The following KIF6 variants were observed in gnomAD, a reference collection of about 807,000 sequenced individuals.
KIF6 encodes the protein kinesin family member 6, also known as kinesin-like protein KIF6.
KIF6 carries 106 observed loss-of-function variants against 112.7 expected under a neutral mutation model. That is an observed-to-expected ratio of 0.94 (90% CI 0.80 to 1.11). The LOEUF (loss-of-function observed/expected upper bound fraction) is 1.11. Among genes scored for constraint, KIF6 ranks in the 50% least tolerant of loss-of-function variants. KIF6 has a pLI of 0.00. For synonymous variants in KIF6, 339 were observed against 339.9 expected, an observed-to-expected ratio of 1.00 and a Z score of 0.03; for missense variants, 929 against 964.0, an observed-to-expected ratio of 0.96 and a Z score of 0.48.
intron 3 of KIF6, among the ~76,000 whole-genome samples, chr6:39,694,514 T>C (rs1388614761): frequency 6.6e-6 from 1 of 152,132 alleles, no homozygotes; most frequent in East Asian, 1.9e-4. Flanking sequence ...ATCATTTCTG[T>C]ACACCAATAA....
chr6:39,383,045 T>G lies in KIF6; in HGVS notation c.1861+2577A>C, dbSNP rs372261567. Among the ~76,000 whole-genome samples, 3 of 151,912 alleles carry G rather than the reference T, an allele frequency of 2.0e-5. No individual in the cohort carries two copies. In the South Asian group the frequency reaches 6.2e-4, roughly 32 times the overall value. ...TTTCTTATTGATTCATTTAAGTTCC[T>G]TATCGATTCTGGATATTAATCCTTC... On this transcript the variant is annotated intron_variant, in intron 16 of 22. Coordinates refer to ENST00000287152, the MANE Select transcript of KIF6 (RefSeq NM_145027.6).
At chr6:39,339,253 G>A (rs976218849) in intron 22 of KIF6, among the ~76,000 whole-genome samples, 3 of 152,122 alleles carry the variant, frequency 2.0e-5, no homozygotes, top group African/African-American at 7.2e-5. Context: ...CTTGGTGCTT[G>A]GGAGTTGATA....
At chr6:39,355,198 T>A (rs1411355426) in intron 19 of KIF6, among the ~76,000 whole-genome samples, 1 of 152,274 alleles carries the variant, frequency 6.6e-6, no homozygotes, top group African/African-American at 2.4e-5. Context: ...AAAAAAAGAA[T>A]GTTTTTCATT....
intron 13 of KIF6, among the ~76,000 whole-genome samples, chr6:39,494,573 G>C (rs760953757): frequency 2.0e-5 from 3 of 152,112 alleles, no homozygotes; most frequent in Non-Finnish European, 4.4e-5. Context: ...ACAAATCAAT[G>C]CCTCTAGAAT....
Position 39,366,892 on chromosome 6 carries a change from A to AT in KIF6, c.1862-4375dup, listed in dbSNP as rs1269715326. Among the ~76,000 whole-genome samples, 624 of 142,912 alleles carry AT rather than the reference A, an allele frequency of 4.4e-3. 2 individuals carry two copies. The highest frequency in any genetic ancestry group is 7.4e-3 in the Middle Eastern group (2 of 270). 93.8% of individuals were successfully genotyped at this position (142,912 alleles called of 152,430 possible). ...TATTCCTTTGAAAGCTAAGTTGAGC[A>AT]TTTTTTTTTTTTTTGCTGATCAAGA... On this transcript the variant is annotated intron_variant, in intron 16 of 22. Coordinates refer to ENST00000287152, the MANE Select transcript of KIF6 (RefSeq NM_145027.6).
At chr6:39,520,829 T>A (rs1283529609) in intron 13 of KIF6, among the ~76,000 whole-genome samples, 1 of 152,130 alleles carries the variant, frequency 6.6e-6, no homozygotes, top group Non-Finnish European at 1.5e-5. Flanking sequence ...CACACACATA[T>A]ACTAATTATA....
At chr6:39,421,608 C>T (rs1200150960) in intron 14 of KIF6, among the ~76,000 whole-genome samples, 1 of 152,184 alleles carries the variant, frequency 6.6e-6, no homozygotes, top group Non-Finnish European at 1.5e-5. Flanking sequence ...TATGTCATTG[C>T]TATTTTCCAA....
At chr6:39,535,091 C>G (rs1310270136) in intron 13 of KIF6, among the ~76,000 whole-genome samples, 3 of 152,184 alleles carry the variant, frequency 2.0e-5, no homozygotes, top group Non-Finnish European at 4.4e-5. Flanking sequence ...ACAACTGGTA[C>G]CAGCCACTGC....
chr6:39,544,600 A>G lies in KIF6; in HGVS notation c.1381T>C (p.Tyr461His). ...TTCAGAATATCTCGTAGCTTTCTAT[A>G]TTCTTCTTCTTTTAATGGTTCTTGA... ...DCQEPLKEEE[Y>H]RKLRDILKQR... The change falls in exon 12 of 23, where the codon TAT (tyrosine) becomes CAT (histidine). Residue 461 changes from tyrosine (Y) to histidine (H), a missense_variant. Physicochemically the swap from Tyr to His is moderately conservative, Grantham distance 83. Coordinates refer to ENST00000287152, the MANE Select transcript of KIF6 (RefSeq NM_145027.6). The G allele has an allele frequency of 1.2e-6, 2 of 1,612,066 alleles. No individual in the cohort carries two copies. Among genetic ancestry groups the G allele is most frequent in the Admixed American group, 1.7e-5 (1 of 59,924 alleles).
intron 13 of KIF6, among the ~76,000 whole-genome samples, chr6:39,518,045 A>T (rs1230613622): frequency 6.6e-6 from 1 of 152,244 alleles, no homozygotes. Context: ...GCTGGAGCTG[A>T]GCACCCCAGT....
intron 6 of KIF6, among the ~76,000 whole-genome samples, chr6:39,597,559 C>G (rs1451477461): frequency 6.6e-6 from 1 of 152,106 alleles, no homozygotes; most frequent in East Asian, 1.9e-4. Flanking sequence ...GAATAACCAA[C>G]TATCCATCTT....
intron 3 of KIF6, among the ~76,000 whole-genome samples, chr6:39,650,754 A>G (rs531760382): frequency 4.6e-5 from 7 of 152,156 alleles, no homozygotes; most frequent in Non-Finnish European, 8.8e-5. Flanking sequence ...TTATTAGGAC[A>G]GAATCGTGCA....
chr6:39,578,719 A>C (rs1053902880), intron 9 of KIF6, among the ~76,000 whole-genome samples: 1 of 152,040 alleles, frequency 6.6e-6, no homozygotes, highest in Admixed American at 6.6e-5. Context: ...TGGGGTGATC[A>C]CTGTACTGCA....
chr6:39,549,799 G>C lies in KIF6; in HGVS notation c.1182-4111C>G, dbSNP rs540552232. On this transcript the variant is annotated intron_variant, in intron 10 of 22. Transcript: ENST00000287152. ...TAATTATGGCATAGCTATGTACATA[G>C]TTAAGCAGCAATTTAAGTGACGGCA... 2.8e-4 allele frequency among the ~76,000 whole-genome samples: 43 copies of C among 152,338 alleles called. No individual in the cohort carries two copies. The South Asian group carries it at 8.7e-3, about 31-fold the overall frequency.
intron 10 of KIF6, among the ~76,000 whole-genome samples, chr6:39,555,684 G>A (rs1453699659): frequency 6.6e-6 from 1 of 152,084 alleles, no homozygotes; most frequent in African/African-American, 2.4e-5. Flanking sequence ...CGGGTGCAGT[G>A]GCTCATACCT....
intron 16 of KIF6, among the ~76,000 whole-genome samples, chr6:39,363,134 A>C (rs1765291893): frequency 6.6e-6 from 1 of 152,208 alleles, no homozygotes; most frequent in Non-Finnish European, 1.5e-5. Context: ...GGGCAACAAG[A>C]GAGAAACTCC....
At chr6:39,462,349 A>G (rs536272402) in intron 13 of KIF6, among the ~76,000 whole-genome samples, 7 of 152,362 alleles carry the variant, frequency 4.6e-5, no homozygotes, top group African/African-American at 1.7e-4. Context: ...ACCATGAGGC[A>G]AACTCATATG....
At chr6:39,374,718 A>G (rs1766294316) in intron 16 of KIF6, among the ~76,000 whole-genome samples, 1 of 152,204 alleles carries the variant, frequency 6.6e-6, no homozygotes, top group African/African-American at 2.4e-5. Flanking sequence ...GAAAGATGAA[A>G]GATAAGTGTT....
intron 1 of KIF6, 146 bp downstream of exon 1, chr6:39,725,099 T>C: frequency 1.7e-6 from 1 of 583,256 alleles, no homozygotes; most frequent in Non-Finnish European, 2.9e-6. Flanking sequence ...GCTGCAGGGC[T>C]CCTCGGTCAG....
Sources: gnomAD v4.1 joint callset for allele counts (sites outside exome capture counted in the v4.1 genomes callset) on GRCh38, gnomAD v4.1.1 for gene constraint, MANE v1.5 for transcripts, NCBI Gene and HGNC (gene_info 2026-07-23, HGNC 2026-07-21) for gene names.